PDSS2: variants seen among roughly 807,000 people sequenced by gnomAD.
The protein encoded by PDSS2 is decaprenyl diphosphate synthase subunit 2, also known as all trans-polyprenyl-diphosphate synthase PDSS2.
A neutral mutation model predicts 44.5 loss-of-function variants in PDSS2; 31 were observed. The ratio of observed to expected loss-of-function variants is 0.70; its 90% CI spans 0.52 to 0.94. The LOEUF (loss-of-function observed/expected upper bound fraction) is 0.94. Among genes scored for constraint, PDSS2 ranks in the 40% least tolerant of loss-of-function variants. The pLI is 0.00. For missense variants in PDSS2, 452 were observed against 482.2 expected (o/e 0.94, Z 0.59); for synonymous variants, 157 against 180.3 (o/e 0.87, Z 1.03).
intron 7 of PDSS2, among the ~76,000 whole-genome samples, chr6:107,172,746 A>G (rs929447830): frequency 6.6e-6 from 1 of 152,034 alleles, no homozygotes. Flanking sequence ...TAAGCAAGTC[A>G]TAATAAAACA....
intron 1 of PDSS2, among the ~76,000 whole-genome samples, chr6:107,439,231 T>A (rs957075373): frequency 1.6e-4 from 25 of 152,198 alleles, no homozygotes; most frequent in Non-Finnish European, 4.4e-5. Flanking sequence ...AACAAGGCCA[T>A]GGCAATTTCA....
At chr6:107,450,429 G>A (rs1781829049) in intron 1 of PDSS2, among the ~76,000 whole-genome samples, 12 of 152,112 alleles carry the variant, frequency 7.9e-5, no homozygotes, top group Admixed American at 7.9e-4. Context: ...AAAATGGTGG[G>A]AACCATGATA....
In PDSS2 at chr6:107,371,744, T is replaced by A. The variant is rs1779133836; in HGVS notation, c.297-37412A>T. 2.0e-5 allele frequency among the ~76,000 whole-genome samples: 3 copies of A among 152,200 alleles called. No individual in the cohort carries two copies. The South Asian group carries it at 6.2e-4, about 32-fold the overall frequency. ...AAAGCATTGTCGAGTCTAGGACACC[T>A]TAGATGCCAGTTCCTTGAATTAATT... On this transcript the variant is annotated intron_variant, in intron 1 of 7. Coordinates refer to ENST00000369037, the MANE Select transcript of PDSS2 (RefSeq NM_020381.4).
At chr6:107,308,122 T>C (rs1295863365) in intron 2 of PDSS2, among the ~76,000 whole-genome samples, 2 of 152,184 alleles carry the variant, frequency 1.3e-5, no homozygotes, top group Non-Finnish European at 2.9e-5. Context: ...TCAGATTACA[T>C]ATAAGCGCCA....
chr6:107,208,129 G>A (rs1773064592), intron 6 of PDSS2, among the ~76,000 whole-genome samples: 1 of 150,294 alleles, frequency 6.7e-6, no homozygotes. Flanking sequence ...TGGGATTAGA[G>A]ACATGAGTCA....
At chr6:107,426,349 T>C (rs969200878) in intron 1 of PDSS2, among the ~76,000 whole-genome samples, 3 of 152,332 alleles carry the variant, frequency 2.0e-5, no homozygotes, top group Non-Finnish European at 4.4e-5. Context: ...TTTGGGAACG[T>C]CTGCCTAGAT....
At chr6:107,429,897 AAAAAATATATATATATAT>A (rs1242631229) in intron 1 of PDSS2, among the ~76,000 whole-genome samples, 7 of 41,256 alleles carry the variant, frequency 1.7e-4, no homozygotes, top group African/African-American at 4.9e-4. Context: ...AAAAAAAAAA[AAAAAATATATATATATAT>A]ATATATATAT....
chr6:107,262,189 G>T (rs1211493862), intron 3 of PDSS2, among the ~76,000 whole-genome samples: 2 of 151,888 alleles, frequency 1.3e-5, no homozygotes, highest in African/African-American at 2.4e-5. Context: ...TTACAGGTGT[G>T]AGCCACTGTG....
chr6:107,156,426 C>T (rs1357910476), intron 7 of PDSS2, among the ~76,000 whole-genome samples: 1 of 151,890 alleles, frequency 6.6e-6, no homozygotes, highest in East Asian at 1.9e-4. Flanking sequence ...CATCTCCTGA[C>T]CTTGTGATCC....
intron 4 of PDSS2, among the ~76,000 whole-genome samples, chr6:107,214,687 A>C (rs1773354301): frequency 6.6e-6 from 1 of 152,206 alleles, no homozygotes; most frequent in Admixed American, 6.5e-5. Flanking sequence ...AAGAAAAAAA[A>C]GTGGTCACCA....
intron 1 of PDSS2, among the ~76,000 whole-genome samples, chr6:107,385,224 A>T (rs1324679120): frequency 6.6e-6 from 1 of 152,086 alleles, no homozygotes; most frequent in Admixed American, 6.6e-5. Flanking sequence ...TTTTAAATTA[A>T]AAACATCCTT....
chr6:107,169,111 C>T (rs1407830905), intron 7 of PDSS2, among the ~76,000 whole-genome samples: 1 of 152,004 alleles, frequency 6.6e-6, no homozygotes, highest in Non-Finnish European at 1.5e-5. Context: ...CTTTCAGGTA[C>T]ACCAATCAGA....
chr6:107,261,400 T>C (rs1173752533), intron 3 of PDSS2, among the ~76,000 whole-genome samples: 1 of 152,164 alleles, frequency 6.6e-6, no homozygotes, highest in Non-Finnish European at 1.5e-5. Flanking sequence ...GCTCCTGCTT[T>C]CACCATGTGA....
chr6:107,446,479 T>A (rs965527823), intron 1 of PDSS2, among the ~76,000 whole-genome samples: 10 of 152,204 alleles, frequency 6.6e-5, no homozygotes, highest in African/African-American at 2.4e-4. Context: ...CCTTATTCCA[T>A]TTTCAGCATC....
chr6:107,442,428 A>AAAAAAAC (rs58521278), intron 1 of PDSS2, among the ~76,000 whole-genome samples: 1 of 151,678 alleles, frequency 6.6e-6, no homozygotes, highest in Non-Finnish European at 1.5e-5. Flanking sequence ...AAACAAAAAC[A>AAAAAAAC]AAAAAACAAA....
intron 7 of PDSS2, among the ~76,000 whole-genome samples, chr6:107,162,565 T>G (rs1771180909): frequency 1.3e-5 from 2 of 151,202 alleles, no homozygotes; most frequent in Admixed American, 6.6e-5. Flanking sequence ...TTTCCAATTT[T>G]TAAAAATTTA....
At chr6:107,367,084 A>C (rs1464880726) in intron 1 of PDSS2, among the ~76,000 whole-genome samples, 4 of 152,166 alleles carry the variant, frequency 2.6e-5, no homozygotes, top group Non-Finnish European at 5.9e-5. Flanking sequence ...AGTGCTCAAC[A>C]AAATATTGGC....
chr6:107,282,634 G>A (rs1329496618), intron 2 of PDSS2, among the ~76,000 whole-genome samples: 3 of 151,786 alleles, frequency 2.0e-5, no homozygotes, highest in Admixed American at 6.6e-5. Context: ...GGGAGGCCGA[G>A]GCGGGTGGAT....
intron 7 of PDSS2, among the ~76,000 whole-genome samples, chr6:107,173,211 T>C (rs921843596): frequency 2.6e-5 from 4 of 151,560 alleles, no homozygotes; most frequent in African/African-American, 9.7e-5. Flanking sequence ...CAGGTCACAG[T>C]ATGGTAAGAT....
Sources: gnomAD v4.1 joint callset for allele counts (sites outside exome capture counted in the v4.1 genomes callset) on GRCh38, gnomAD v4.1.1 for gene constraint, MANE v1.5 for transcripts, NCBI Gene and HGNC (gene_info 2026-07-23, HGNC 2026-07-21) for gene names.